The following PPIG variants were observed in gnomAD, a reference collection of about 807,000 sequenced individuals.
PPIG encodes peptidylprolyl isomerase G, also known as peptidyl-prolyl cis-trans isomerase G.
Under a neutral mutation model 87.9 loss-of-function variants are expected in PPIG, and 26 were observed. The observed-to-expected ratio is 0.30, with a 90% CI of 0.22 to 0.41. The LOEUF is 0.41. Among genes scored for constraint, PPIG ranks in the 10% least tolerant of loss-of-function variants. The pLI, the probability that PPIG is intolerant of heterozygous loss-of-function variation, is 1.00. For missense variants in PPIG, 722 were observed against 879.4 expected (o/e 0.82, Z 2.26); for synonymous variants, 308 against 276.5 (o/e 1.11, Z -1.13).
At chr2:169,635,890 G>A (rs1686165336) in intron 12 of PPIG, among the ~76,000 whole-genome samples, 1 of 152,096 alleles carries the variant, frequency 6.6e-6, no homozygotes, top group African/African-American at 2.4e-5. Flanking sequence ...GTAATTTTCA[G>A]GGTATAGAAA....
At chr2:169,632,065 TCCGCAA>T (rs1224151572) in intron 11 of PPIG, 132 bp downstream of exon 11, 5 of 1,213,286 alleles carry the variant, frequency 4.1e-6, no homozygotes, top group Admixed American at 3.4e-5. Context: ...AAAATGTTCT[TCCGCAA>T]AGTTCTTTTT....
At chr2:169,601,569 A>G (rs556191320) in intron 1 of PPIG, among the ~76,000 whole-genome samples, 151 of 152,324 alleles carry the variant, frequency 9.9e-4, no homozygotes, top group African/African-American at 3.4e-3. Context: ...TGAGCAACAA[A>G]GGGATGAACC....
intron 1 of PPIG, 95 bp from the exon 2 acceptor site, chr2:169,603,547 G>GTA (rs1337085498): frequency 3.3e-5 from 5 of 151,028 alleles, no homozygotes; most frequent in African/African-American, 1.2e-4. Context: ...TAGTTAAATA[G>GTA]TATATTAACT....
At chr2:169,631,106 G>C in intron 10 of PPIG, 119 bp downstream of exon 10, 1 of 955,600 alleles carries the variant, frequency 1.0e-6, no homozygotes, top group Non-Finnish European at 1.5e-6. Flanking sequence ...AGCATGGAGC[G>C]TAGGACTTTT....
At chr2:169,597,133 T>C (rs1428270545) in intron 1 of PPIG, among the ~76,000 whole-genome samples, 3 of 152,178 alleles carry the variant, frequency 2.0e-5, no homozygotes, top group Non-Finnish European at 2.9e-5. Flanking sequence ...TTCTTTTGAG[T>C]GTATACCTAG....
At chr2:169,613,344 G>T (rs936278690) in intron 7 of PPIG, among the ~76,000 whole-genome samples, 1 of 152,034 alleles carries the variant, frequency 6.6e-6, no homozygotes, top group African/African-American at 2.4e-5. Context: ...TTTTTCAGTG[G>T]TATTGTACAT....
chr2:169,602,461 A>G (rs7608848), intron 1 of PPIG, among the ~76,000 whole-genome samples: 21,900 of 151,894 alleles, frequency 0.14, 1,648 homozygotes, highest in South Asian at 0.26. Context: ...GATTACAGGC[A>G]CCCGCCACCA....
At chr2:169,636,057 A>G (rs2290007) in intron 12 of PPIG, 35 bp from the exon 13 acceptor site, 872,686 of 1,535,160 alleles carry the variant, frequency 0.57, 251,025 homozygotes, top group African/African-American at 0.73. Flanking sequence ...CTATACTTCT[A>G]TACATTAATT....
At chr2:169,584,638 T>C (rs1255023365) in intron 1 of PPIG, 148 bp downstream of exon 1, 4 of 414,350 alleles carry the variant, frequency 9.7e-6, no homozygotes, top group Admixed American at 7.0e-5. Context: ...TCGGGGCTGC[T>C]TGGGCCCAGA....
chr2:169,637,402 G>A lies in PPIG; in HGVS notation c.2144G>A (p.Arg715Lys). Residue 715 changes from arginine (R) to lysine (K), a missense_variant, in exon 14 of 14, where the codon AGA becomes AAA. Physicochemically the swap from Arg to Lys is conservative, Grantham distance 26 (BLOSUM62 2). Around this residue, in one of 4 missense-constraint regions of PPIG, gnomAD observed 476 missense variants for 483.1 expected, o/e 0.99. Transcript: ENST00000260970. ...AAAAATAAGGAGGATGAGAAGATCA[G>A]ATCCTCAGTGGAAAAAGAAAACCAA... is the stretch of plus-strand genomic sequence containing the variant. ...MLKNKEDEKI[R>K]SSVEKENQKS... 1 of 1,612,968 alleles carries A rather than the reference G, an allele frequency of 6.2e-7. No homozygotes were observed. Among genetic ancestry groups the A allele is most frequent in the South Asian group, 1.1e-5 (1 of 90,852 alleles).
chr2:169,595,918 C>T (rs750590018), intron 1 of PPIG, among the ~76,000 whole-genome samples: 1 of 151,790 alleles, frequency 6.6e-6, no homozygotes, highest in Admixed American at 6.6e-5. Flanking sequence ...ATTCTCCTGC[C>T]TCAGCCTTCC....
intron 1 of PPIG, among the ~76,000 whole-genome samples, chr2:169,587,135 G>A (rs567110240): frequency 3.9e-5 from 6 of 152,216 alleles, no homozygotes; most frequent in African/African-American, 1.2e-4. Flanking sequence ...GTTTCACCAT[G>A]TTGGCTACGC....
In PPIG at chr2:169,624,870, A is replaced by G. The variant is rs180974118; in HGVS notation, c.548-5904A>G. ...CTCCCAGAGTGCTGGGATTACAGGC[A>G]TGAGCCACCGCGCCCAGCCGGAAGT... On this transcript the variant is annotated intron_variant, in intron 9 of 13. Transcript: ENST00000260970. Among the ~76,000 whole-genome samples the G allele has an allele frequency of 3.2e-4, 48 of 152,298 alleles. 1 individual carries two copies. The highest frequency in any genetic ancestry group is 2.5e-3 in the East Asian group (13 of 5,176).
intron 9 of PPIG, among the ~76,000 whole-genome samples, chr2:169,625,197 C>T (rs965353223): frequency 6.6e-6 from 1 of 152,184 alleles, no homozygotes; most frequent in Admixed American, 6.5e-5. Flanking sequence ...ACTTATTCTT[C>T]CTGTCTTAAC....
At chr2:169,627,704 C>CTTTTTTTT (rs777197172) in intron 9 of PPIG, among the ~76,000 whole-genome samples, 63 of 101,886 alleles carry the variant, frequency 6.2e-4, no homozygotes, top group African/African-American at 2.4e-3. Context: ...AGTGGGCTTG[C>CTTTTTTTT]TTTTTTTTTT....
At chr2:169,604,671 C>G (rs970742105) in intron 4 of PPIG, among the ~76,000 whole-genome samples, 1 of 149,550 alleles carries the variant, frequency 6.7e-6, no homozygotes, top group Non-Finnish European at 1.5e-5. Context: ...GTCAGGAGTT[C>G]CAGACGAGCC....
At chr2:169,608,016 C>T (rs1000092050) in intron 6 of PPIG, among the ~76,000 whole-genome samples, 2 of 152,118 alleles carry the variant, frequency 1.3e-5, no homozygotes, top group African/African-American at 4.8e-5. Context: ...TACAGCCACA[C>T]TACTGTGCTC....
chr2:169,611,111 G>A (rs1312706781), intron 7 of PPIG, among the ~76,000 whole-genome samples: 1 of 152,178 alleles, frequency 6.6e-6, no homozygotes, highest in African/African-American at 2.4e-5. Context: ...GGGAGGCTGA[G>A]GCAGGAAGGT....
intron 9 of PPIG, among the ~76,000 whole-genome samples, chr2:169,621,107 G>A (rs1267290087): frequency 6.6e-6 from 1 of 151,944 alleles, no homozygotes; most frequent in African/African-American, 2.4e-5. Context: ...TCTGTTATAT[G>A]TTACTGACTC....
Sources: gnomAD v4.1 joint callset for allele counts (sites outside exome capture counted in the v4.1 genomes callset) on GRCh38, gnomAD v4.1.1 for gene constraint, gnomAD v4.1.1 regional missense constraint, MANE v1.5 for transcripts, NCBI Gene and HGNC (gene_info 2026-07-23, HGNC 2026-07-21) for gene names.